Variants in DNAH11 observed in about 807,000 individuals in gnomAD.
DNAH11 encodes axonemal beta dynein heavy chain 11.
A neutral mutation model predicts 526.0 loss-of-function variants in DNAH11; 442 were observed. The ratio of observed to expected loss-of-function variants is 0.84; its 90% CI spans 0.78 to 0.91. The LOEUF is 0.91. DNAH11 is among the 40% of genes least tolerant of loss of function. DNAH11 has a pLI of 0.00. For missense variants in DNAH11, 6,989 were observed against 5,448.7 expected (o/e 1.28, Z -8.90); for synonymous variants, 2,461 against 1,935.9 (o/e 1.27, Z -7.12).
intron 65 of DNAH11, among the ~76,000 whole-genome samples, chr7:21,838,997 A>T (rs1440285592): frequency 6.6e-6 from 1 of 152,072 alleles, no homozygotes; most frequent in African/African-American, 2.4e-5. Context: ...CCTCACCAAC[A>T]CTTGTTACTG....
At chr7:21,606,590 A>G (rs1785292750) in intron 19 of DNAH11, 48 bp downstream of exon 19, 7 of 1,536,104 alleles carry the variant, frequency 4.6e-6, no homozygotes, top group Non-Finnish European at 6.2e-6. Flanking sequence ...TTACTAGGAT[A>G]ATTGAAGTAT....
chr7:21,563,169 T>A (rs1242509471), intron 5 of DNAH11, among the ~76,000 whole-genome samples: 1 of 152,136 alleles, frequency 6.6e-6, no homozygotes, highest in Non-Finnish European at 1.5e-5. Flanking sequence ...ATATTTAAAT[T>A]TTTTTTCATA....
At chr7:21,599,588 T>G (rs900122914) in intron 14 of DNAH11, among the ~76,000 whole-genome samples, 199 bp from the exon 15 acceptor site, 1 of 152,228 alleles carries the variant, frequency 6.6e-6, no homozygotes, top group Non-Finnish European at 1.5e-5. Context: ...TGAATGTATT[T>G]CATGTGTGAA....
In DNAH11 at chr7:21,742,931, TCTGGTGAGGGC is replaced by T. The variant is rs1245334856; in HGVS notation, c.8154+771_8154+781del. On this transcript the variant is annotated intron_variant, in intron 49 of 81. Transcript: ENST00000409508. ...GATTAAGGCACTGGCAGATTCAGTG[TCTGGTGAGGGC>T]CTGGTCTCTGCTTCCAAAATGGTGC... is the stretch of plus-strand genomic sequence containing the variant. Among the ~76,000 whole-genome samples, 3 of 152,214 alleles carry T rather than the reference TCTGGTGAGGGC, an allele frequency of 2.0e-5. No homozygotes were observed. The East Asian group carries it at 5.8e-4, about 29-fold the overall frequency.
At chr7:21,898,770 C>T (rs924027724) in intron 79 of DNAH11, among the ~76,000 whole-genome samples, 20 of 152,204 alleles carry the variant, frequency 1.3e-4, no homozygotes, top group African/African-American at 2.4e-4. Context: ...CTCAACCCAC[C>T]GGCGTGCCAT....
intron 44 of DNAH11, among the ~76,000 whole-genome samples, chr7:21,725,053 T>C (rs1008706160): frequency 3.3e-5 from 5 of 152,234 alleles, no homozygotes; most frequent in African/African-American, 9.6e-5. Flanking sequence ...TTTCTTTATT[T>C]TCCAACCCTA....
At chr7:21,642,412 G>C (rs1414616813) in intron 28 of DNAH11, among the ~76,000 whole-genome samples, 1 of 152,094 alleles carries the variant, frequency 6.6e-6, no homozygotes, top group Non-Finnish European at 1.5e-5. Flanking sequence ...CTGAATTCTT[G>C]CTCACTAACT....
At chr7:21,598,176 A>G (rs1051909455) in intron 14 of DNAH11, among the ~76,000 whole-genome samples, 3 of 152,184 alleles carry the variant, frequency 2.0e-5, no homozygotes, top group Non-Finnish European at 2.9e-5. Flanking sequence ...CCACCTTACA[A>G]TCAGCTCTTA....
At chr7:21,818,489 C>T (rs1789913942) in intron 65 of DNAH11, 150 bp downstream of exon 65, 3 of 753,542 alleles carry the variant, frequency 4.0e-6, no homozygotes, top group Admixed American at 3.7e-5. Flanking sequence ...ACCAAAGCAA[C>T]TGCAACATTA....
intron 30 of DNAH11, among the ~76,000 whole-genome samples, chr7:21,666,089 AAGTAATTCCTTTC>A (rs1782411822): frequency 6.6e-6 from 1 of 152,262 alleles, no homozygotes; most frequent in East Asian, 1.9e-4. Flanking sequence ...TGATGATTAT[AAGTAATTCCTTTC>A]AGTAATTCCT....
At chr7:21,568,062 C>T (rs1783744556) in intron 6 of DNAH11, among the ~76,000 whole-genome samples, 1 of 152,130 alleles carries the variant, frequency 6.6e-6, no homozygotes, top group African/African-American at 2.4e-5. Flanking sequence ...GCTGTCAGGA[C>T]TGAGCTAAAA....
chr7:21,700,781 G>GA (rs1191738446), intron 36 of DNAH11, among the ~76,000 whole-genome samples: 1 of 152,126 alleles, frequency 6.6e-6, no homozygotes. Flanking sequence ...ATGCAGCCAT[G>GA]AAAAAGGATG....
chr7:21,791,636 TA>T (rs750619148), intron 61 of DNAH11, among the ~76,000 whole-genome samples: 3 of 152,208 alleles, frequency 2.0e-5, no homozygotes, highest in African/African-American at 7.2e-5. Context: ...TCCTTCAGCT[TA>T]CATTAGCTAG....
At chr7:21,613,878 C>T (rs1011474637) in intron 20 of DNAH11, among the ~76,000 whole-genome samples, 2 of 152,098 alleles carry the variant, frequency 1.3e-5, no homozygotes, top group Non-Finnish European at 2.9e-5. Context: ...GGTCATTCTC[C>T]CACCTCAGCC....
rs374323457 is a variant in DNAH11 at position 21,868,899 on chromosome 7, T to G, written c.11875T>G (p.Phe3959Val). ...TGGCTTTACAATTGACTCTGGAAAA[T>G]TCCACAATGTGTCTTTAGGACAAGG... is the stretch of plus-strand genomic sequence containing the variant. ...RLGFTIDSGK[F>V]HNVSLGQGQE... Residue 3959 changes from phenylalanine to valine, a missense_variant, in exon 73 of 82, where the codon TTC (phenylalanine) becomes GTC (valine). Physicochemically the swap from Phe to Val is conservative, Grantham distance 50. Coordinates refer to ENST00000409508, the MANE Select transcript of DNAH11 (RefSeq NM_001277115.2). 83 of 1,613,860 alleles carry G rather than the reference T, an allele frequency of 5.1e-5. No homozygotes were observed. The highest frequency in any genetic ancestry group is 6.9e-5 in the Non-Finnish European group (82 of 1,179,876).
chr7:21,670,966 C>T (rs1208149310), intron 30 of DNAH11, among the ~76,000 whole-genome samples: 2 of 151,670 alleles, frequency 1.3e-5, no homozygotes, highest in African/African-American at 4.8e-5. Flanking sequence ...GTACATTTGT[C>T]TGTAATTTTC....
chr7:21,569,977 G>T, intron 6 of DNAH11, 92 bp from the exon 7 acceptor site: 2 of 1,026,158 alleles, frequency 1.9e-6, no homozygotes, highest in Non-Finnish European at 1.4e-6. Flanking sequence ...TTAGATACTG[G>T]CATTTAAAAA....
intron 42 of DNAH11, among the ~76,000 whole-genome samples, chr7:21,714,822 A>G (rs1221551288): frequency 2.0e-5 from 3 of 152,182 alleles, no homozygotes; most frequent in Non-Finnish European, 2.9e-5. Flanking sequence ...GCTGAAATAT[A>G]TGAAAGTAAG....
At position 21,702,820 on chromosome 7, in the gene DNAH11, T is replaced by A. The variant is rs1179093751; in HGVS notation, c.6273+18T>A. 13 of 1,603,702 alleles carry A rather than the reference T, an allele frequency of 8.1e-6. No homozygotes were observed. The highest frequency in any genetic ancestry group is 2.2e-5 in the East Asian group (1 of 44,750). On this transcript the variant is annotated intron_variant, in intron 37 of 81. Coordinates refer to ENST00000409508, the MANE Select transcript of DNAH11 (RefSeq NM_001277115.2). ...AAGATCAGGTACTGCAATGCTAATATGATTTTGTTGAGTGAGTAGCTGGCC... is the reference window on the plus strand; with the variant it reads ...AAGATCAGGTACTGCAATGCTAATAAGATTTTGTTGAGTGAGTAGCTGGCC...
Sources: gnomAD v4.1 joint callset for allele counts (sites outside exome capture counted in the v4.1 genomes callset) on GRCh38, gnomAD v4.1.1 for gene constraint, MANE v1.5 for transcripts, NCBI Gene and HGNC (gene_info 2026-07-23, HGNC 2026-07-21) for gene names.